Variants in ABCC5 observed in about 807,000 individuals in gnomAD.
ABCC5 encodes ATP-binding cassette sub-family C member 5.
In ABCC5, 61 loss-of-function variants were observed where a neutral mutation model predicts 160.9. The observed-to-expected ratio is 0.38, with a 90% CI of 0.31 to 0.47. The LOEUF (loss-of-function observed/expected upper bound fraction) is 0.47, where lower values mean the gene tolerates loss of function less well. ABCC5 is among the 20% of genes least tolerant of loss of function. The probability of loss-of-function intolerance (pLI) is 0.99; values close to 1 mark genes in which losing one functional copy is unlikely to be tolerated. For missense variants in ABCC5, 1,308 were observed against 1,813.3 expected (o/e 0.72, Z 5.06); for synonymous variants, 666 against 700.6 (o/e 0.95, Z 0.78).
At chr3:184,014,225 C>G (rs1361581099) in intron 2 of ABCC5, 39 bp downstream of exon 2, 1 of 1,581,862 alleles carries the variant, frequency 6.3e-7, no homozygotes, top group South Asian at 1.1e-5. Context: ...TGTTTTAGTA[C>G]AACAAGCAGG....
chr3:183,931,420 C>T (rs2108765620), intron 26 of ABCC5, among the ~76,000 whole-genome samples: 1 of 151,994 alleles, frequency 6.6e-6, no homozygotes, highest in South Asian at 2.1e-4. Context: ...CCTGCCCTGC[C>T]CCGCCAGGTT....
At chr3:183,926,913 C>T (rs113422085) in intron 28 of ABCC5, among the ~76,000 whole-genome samples, 9,927 of 151,850 alleles carry the variant, frequency 0.065, 397 homozygotes, top group East Asian at 0.17. Flanking sequence ...GGCATGGTGG[C>T]GCACGCCTGT....
chr3:183,928,706 C>G, intron 27 of ABCC5, 41 bp downstream of exon 27: 1 of 1,581,126 alleles, frequency 6.3e-7, no homozygotes, highest in South Asian at 1.1e-5. Flanking sequence ...TGCTTCCACC[C>G]TCACCATCTC....
At chr3:183,976,253 A>G (rs1005864524) in intron 10 of ABCC5, among the ~76,000 whole-genome samples, 2 of 151,262 alleles carry the variant, frequency 1.3e-5, no homozygotes. Context: ...ACAAACAACA[A>G]CAAAAAAAAA....
At chr3:184,014,551 C>G (rs1394039577) in intron 1 of ABCC5, 104 bp from the exon 2 acceptor site, 3 of 580,904 alleles carry the variant, frequency 5.2e-6, no homozygotes, top group Middle Eastern at 5.2e-4. Flanking sequence ...GGCAAAAGTA[C>G]TAAAGCTTTC....
At chr3:183,933,031 G>C (rs564238268) in intron 26 of ABCC5, among the ~76,000 whole-genome samples, 7 of 152,098 alleles carry the variant, frequency 4.6e-5, no homozygotes, top group African/African-American at 1.7e-4. Context: ...AGCCAGGTGT[G>C]GTAGTAGGTG....
intron 16 of ABCC5, 133 bp from the exon 17 acceptor site, chr3:183,959,968 C>G (rs1716572029): frequency 1.7e-6 from 1 of 584,086 alleles, no homozygotes; most frequent in East Asian, 3.0e-5. Context: ...TTAAAAGGGT[C>G]ACCTATACTC....
At chr3:183,947,598 G>A in intron 22 of ABCC5, 88 bp from the exon 23 acceptor site, 2 of 1,080,662 alleles carry the variant, frequency 1.9e-6, no homozygotes, top group Non-Finnish European at 2.6e-6. Flanking sequence ...ATGATGGAGG[G>A]CACGTATTTA....
chr3:183,931,344 T>G (rs1713164717), intron 26 of ABCC5, among the ~76,000 whole-genome samples: 1 of 150,304 alleles, frequency 6.7e-6, no homozygotes, highest in Admixed American at 6.6e-5. Flanking sequence ...TTTTTTTTTT[T>G]GAGACAGAAT....
chr3:183,923,457 T>C (rs1274417877), intron 29 of ABCC5, among the ~76,000 whole-genome samples: 1 of 152,068 alleles, frequency 6.6e-6, no homozygotes, highest in Non-Finnish European at 1.5e-5. Flanking sequence ...ACCCTGTGTC[T>C]ACTAAAAATA....
rs1197643906 is a variant in ABCC5 at position 183,938,880 on chromosome 3, A to C, written c.3695-820T>G. ...CATACGGGAAGGAGGTTTTGCCTCGACTCAATGAGTAGCTGTCAATGGCCC... is the reference window on the plus strand; with the variant it reads ...CATACGGGAAGGAGGTTTTGCCTCGCCTCAATGAGTAGCTGTCAATGGCCC... On this transcript the variant is annotated intron_variant, in intron 25 of 29. Transcript: ENST00000334444. Among the ~76,000 whole-genome samples, 3 of 152,174 alleles carry C rather than the reference A, an allele frequency of 2.0e-5. 1 individual carries two copies. In the East Asian group the frequency reaches 5.8e-4, roughly 29 times the overall value.
At chr3:184,011,876 C>G (rs1879258) in intron 2 of ABCC5, among the ~76,000 whole-genome samples, 28,883 of 152,016 alleles carry the variant, frequency 0.19, 3,444 homozygotes, top group East Asian at 0.34. Context: ...AAAAGATTAG[C>G]AGTTGCCAGA....
At position 183,987,144 on chromosome 3, in the gene ABCC5, G is replaced by A. The variant is rs1719291643; in HGVS notation, c.591+626C>T. The A allele has an allele frequency of 1.2e-5, 2 of 161,904 alleles. No homozygotes were observed. The highest frequency in any genetic ancestry group is 2.7e-5 in the Non-Finnish European group (2 of 73,566). 10.0% of individuals were successfully genotyped at this position (161,904 alleles called of 1,614,324 possible). On this transcript the variant is annotated intron_variant, in intron 5 of 29. Transcript: ENST00000334444. This position sits in a 1 kb window ranked among gnomAD's most constrained non-coding sequence, Gnocchi z 4.2. Reference sequence around the variant, plus strand: ...GTCTCAAGTGTAAGGCAGCACAGCAGGTGTAAGAAACAGGTGCCCAGGAAA... The same window carrying A: ...GTCTCAAGTGTAAGGCAGCACAGCAAGTGTAAGAAACAGGTGCCCAGGAAA...
intron 26 of ABCC5, among the ~76,000 whole-genome samples, chr3:183,935,249 C>T (rs1032108160): frequency 1.1e-4 from 17 of 151,952 alleles, no homozygotes; most frequent in Non-Finnish European, 2.2e-4. Context: ...GGCATGATCT[C>T]GGCACACTGT....
chr3:184,002,226 C>T (rs186769547), intron 2 of ABCC5, among the ~76,000 whole-genome samples: 2 of 151,970 alleles, frequency 1.3e-5, no homozygotes, highest in East Asian at 1.9e-4. Context: ...GGTGAAATCC[C>T]GGTCTCTACT....
chr3:183,962,988 AT>A (rs936589688), intron 15 of ABCC5, among the ~76,000 whole-genome samples: 9 of 152,236 alleles, frequency 5.9e-5, no homozygotes, highest in African/African-American at 2.2e-4. Flanking sequence ...AGATGGCAAC[AT>A]CCTTGAGCTG....
chr3:183,987,000 G>T (rs1560036053), intron 5 of ABCC5: 1 of 152,112 alleles, frequency 6.6e-6, no homozygotes, highest in East Asian at 1.9e-4. Context: ...TGCATCTTAG[G>T]CACATACTTA....
chr3:183,994,883 G>A (rs567631448), intron 2 of ABCC5, among the ~76,000 whole-genome samples: 1 of 143,584 alleles, frequency 7.0e-6, no homozygotes, highest in South Asian at 2.2e-4. Flanking sequence ...TTAAGACAAG[G>A]TCTTGCTCTG....
intron 26 of ABCC5, among the ~76,000 whole-genome samples, chr3:183,934,068 G>A (rs1713445760): frequency 1.3e-5 from 2 of 152,238 alleles, no homozygotes; most frequent in East Asian, 3.9e-4. Context: ...CACTTTGGGA[G>A]GCTGAGGTGG....
Sources: gnomAD v4.1 joint callset for allele counts (sites outside exome capture counted in the v4.1 genomes callset) on GRCh38, gnomAD v4.1.1 for gene constraint, Gnocchi (gnomAD v3.1) non-coding constraint, MANE v1.5 for transcripts, NCBI Gene and HGNC (gene_info 2026-07-23, HGNC 2026-07-21) for gene names.